MED13L: variants seen among roughly 807,000 people sequenced by gnomAD.
MED13L encodes the protein mediator of RNA polymerase II transcription subunit 13-like.
MED13L carries 7 observed loss-of-function variants against 220.9 expected under a neutral mutation model. The observed-to-expected ratio is 0.03, with a 90% confidence interval of 0.02 to 0.06. The LOEUF (loss-of-function observed/expected upper bound fraction) is 0.06. MED13L is among the 10% of genes least tolerant of loss of function. The pLI is 1.00. For missense variants in MED13L, 1,965 were observed against 2,760.5 expected, an observed-to-expected ratio of 0.71 and a Z score of 6.46; for synonymous variants, 1,011 against 1,015.2, an observed-to-expected ratio of 1.00 and a Z score of 0.08.
chr12:116,024,098 T>C (rs1306589884), intron 4 of MED13L, among the ~76,000 whole-genome samples: 1 of 152,172 alleles, frequency 6.6e-6, no homozygotes, highest in East Asian at 1.9e-4. Flanking sequence ...AGTTACTAGC[T>C]TATTTATAAG....
intron 2 of MED13L, among the ~76,000 whole-genome samples, chr12:116,160,331 T>C (rs563170064): frequency 5.4e-4 from 82 of 152,298 alleles, no homozygotes; most frequent in African/African-American, 1.9e-3. Flanking sequence ...CAACATACAT[T>C]TCAACACTAC....
intron 1 of MED13L, among the ~76,000 whole-genome samples, chr12:116,244,009 A>C (rs1870878222): frequency 6.6e-6 from 1 of 152,208 alleles, no homozygotes; most frequent in Non-Finnish European, 1.5e-5. Flanking sequence ...GAAGATAGTC[A>C]ACATTTCAGG....
chr12:116,084,438 T>C (rs1383485597), intron 4 of MED13L, among the ~76,000 whole-genome samples: 3 of 152,180 alleles, frequency 2.0e-5, no homozygotes, highest in Admixed American at 2.0e-4. Context: ...TTTTTCTATT[T>C]TCACATATTG....
chr12:116,055,061 A>G (rs1299182270), intron 4 of MED13L, among the ~76,000 whole-genome samples: 2 of 152,238 alleles, frequency 1.3e-5, no homozygotes, highest in African/African-American at 4.8e-5. Flanking sequence ...GAAATAAGAT[A>G]CAAAACTCAG....
intron 4 of MED13L, among the ~76,000 whole-genome samples, chr12:116,026,185 G>GT: frequency 6.6e-6 from 1 of 152,104 alleles, no homozygotes; most frequent in Admixed American, 6.6e-5. Flanking sequence ...CGGAAGACTC[G>GT]TATATGCAAA....
At chr12:116,156,551 A>G (rs143877577) in intron 2 of MED13L, among the ~76,000 whole-genome samples, 3 of 152,166 alleles carry the variant, frequency 2.0e-5, no homozygotes, top group South Asian at 2.1e-4. Context: ...CCAAGTACCA[A>G]CCTCCTCCTT....
intron 4 of MED13L, among the ~76,000 whole-genome samples, chr12:116,035,683 C>G (rs2137519738): frequency 1.3e-5 from 2 of 152,158 alleles, no homozygotes; most frequent in Middle Eastern, 3.4e-3. Flanking sequence ...CTCGACCTCC[C>G]AAGATCCAGC....
chr12:116,142,836 C>T (rs1877195880), intron 2 of MED13L, among the ~76,000 whole-genome samples: 1 of 152,084 alleles, frequency 6.6e-6, no homozygotes, highest in Non-Finnish European at 1.5e-5. Flanking sequence ...ATTAAATTGA[C>T]CATTATAATA....
chr12:116,256,268 CAA>C (rs1565952704), intron 1 of MED13L, among the ~76,000 whole-genome samples: 3 of 137,210 alleles, frequency 2.2e-5, no homozygotes, highest in African/African-American at 8.2e-5. Flanking sequence ...GTGGCATATC[CAA>C]AAAAGAGACT....
chr12:116,210,551 C>CTATATATATATATATATATATA (rs3043762), intron 2 of MED13L, among the ~76,000 whole-genome samples: 158 of 113,600 alleles, frequency 1.4e-3, no homozygotes, highest in South Asian at 2.9e-3. Flanking sequence ...AGAACGTAAC[C>CTATATATATATATATATATATA]TATATATATA....
rs1179908797 is a variant in MED13L at position 116,006,391 on chromosome 12, G to T, written c.2259C>A (p.Thr753=). 6.2e-7 allele frequency: 1 copy of T among 1,613,638 alleles called. No homozygotes were observed. The highest frequency in any genetic ancestry group is 8.5e-7 in the Non-Finnish European group (1 of 1,179,824). Residue 753 remains threonine, a synonymous_variant, in exon 12 of 31, where the codon ACC becomes ACA. Transcript: ENST00000281928. ...KKNKSEDGFG[T]KDVTTPGHST... is the part of the protein sequence containing the mutation. ...AATGACCTGGTGTAGTGACATCCTT[G>T]GTACCAAATCCATCCTCTGACTGTA...
intron 1 of MED13L, among the ~76,000 whole-genome samples, chr12:116,256,741 A>G (rs1872093507): frequency 7.8e-6 from 1 of 128,188 alleles, no homozygotes; most frequent in Non-Finnish European, 1.5e-5. Flanking sequence ...GCTGGAGTGC[A>G]GTGGATTGAT....
intron 4 of MED13L, among the ~76,000 whole-genome samples, chr12:116,054,756 A>C (rs1032431328): frequency 3.9e-5 from 6 of 152,196 alleles, no homozygotes; most frequent in African/African-American, 1.4e-4. Flanking sequence ...AGCTGGTGAG[A>C]ATCTAAGTTG....
chr12:115,980,155 G>T (rs779389083), intron 23 of MED13L, among the ~76,000 whole-genome samples: 1 of 151,978 alleles, frequency 6.6e-6, no homozygotes, highest in Non-Finnish European at 1.5e-5. Context: ...GAAAAATAAA[G>T]AAAATAAATT....
At chr12:116,039,274 G>C (rs1881382165) in intron 4 of MED13L, among the ~76,000 whole-genome samples, 1 of 152,188 alleles carries the variant, frequency 6.6e-6, no homozygotes, top group South Asian at 2.1e-4. Context: ...TTTGGCATTA[G>C]CCTTTCAGAG....
At chr12:115,972,437 C>T (rs1439288137) in intron 25 of MED13L, 3 of 621,536 alleles carry the variant, frequency 4.8e-6, no homozygotes, top group Non-Finnish European at 8.5e-6. Flanking sequence ...GGAACAAAGG[C>T]CTACTATTCT....
intron 4 of MED13L, among the ~76,000 whole-genome samples, chr12:116,034,224 G>T (rs1238071741): frequency 6.6e-6 from 1 of 151,990 alleles, no homozygotes; most frequent in East Asian, 1.9e-4. Context: ...GTGAGGACAG[G>T]AATCATATTT....
intron 1 of MED13L, among the ~76,000 whole-genome samples, chr12:116,256,115 T>C (rs1370366197): frequency 6.6e-6 from 1 of 152,166 alleles, no homozygotes; most frequent in Admixed American, 6.5e-5. Context: ...ATAAAACTCA[T>C]GGGATATTAA....
chr12:116,046,194 TC>T (rs1290578917), intron 4 of MED13L, among the ~76,000 whole-genome samples: 3 of 152,212 alleles, frequency 2.0e-5, no homozygotes, highest in Non-Finnish European at 4.4e-5. Flanking sequence ...AAACTGGAGT[TC>T]TGTTTGACAA....
Sources: gnomAD v4.1 joint callset for allele counts (sites outside exome capture counted in the v4.1 genomes callset) on GRCh38, gnomAD v4.1.1 for gene constraint, MANE v1.5 for transcripts, NCBI Gene and HGNC (gene_info 2026-07-23, HGNC 2026-07-21) for gene names.